TRAF3: variants seen among roughly 807,000 people sequenced by gnomAD.
TRAF3 encodes the protein TNF receptor associated factor 3.
TRAF3 carries 13 observed loss-of-function variants against 62.3 expected under a neutral mutation model. The observed-to-expected ratio is 0.21, with a 90% CI of 0.14 to 0.33. The LOEUF (loss-of-function observed/expected upper bound fraction) is 0.33, where lower values mean the gene tolerates loss of function less well. Ranked by LOEUF, TRAF3 falls within the 10% of genes least tolerant of loss-of-function variation. TRAF3 has a pLI of 1.00. For synonymous variants in TRAF3, 269 were observed against 283.4 expected (o/e 0.95, Z 0.51); for missense variants, 440 against 741.8 (o/e 0.59, Z 4.73).
At chr14:102,807,354 G>C (rs903155831) in intron 1 of TRAF3, among the ~76,000 whole-genome samples, 10 of 152,156 alleles carry the variant, frequency 6.6e-5, no homozygotes, top group Non-Finnish European at 1.5e-5. Flanking sequence ...TTCTCCAGGG[G>C]CCTGGGGCCT....
chr14:102,869,800 C>T (rs1002447342), intron 2 of TRAF3, among the ~76,000 whole-genome samples: 16 of 146,106 alleles, frequency 1.1e-4, no homozygotes, highest in Middle Eastern at 3.4e-3. Context: ...AGCGAGACTC[C>T]GTCTAAAAAA....
intron 2 of TRAF3, among the ~76,000 whole-genome samples, chr14:102,858,953 C>A (rs1887535023): frequency 6.6e-6 from 1 of 152,098 alleles, no homozygotes; most frequent in Non-Finnish European, 1.5e-5. Context: ...TTCTTATAAA[C>A]CTTTTATAAC....
intron 6 of TRAF3, among the ~76,000 whole-genome samples, chr14:102,877,694 T>C (rs1478389173): frequency 1.3e-5 from 2 of 150,280 alleles, no homozygotes; most frequent in African/African-American, 2.5e-5. Flanking sequence ...TCCACAGGCC[T>C]TCTGCTCAGC....
intron 1 of TRAF3, among the ~76,000 whole-genome samples, chr14:102,806,051 G>A (rs927501532): frequency 6.6e-6 from 1 of 151,826 alleles, no homozygotes; most frequent in Non-Finnish European, 1.5e-5. Context: ...ACCCTAGGGG[G>A]CATTTTGCAG....
At chr14:102,798,503 G>A (rs1232594455) in intron 1 of TRAF3, among the ~76,000 whole-genome samples, 2 of 152,190 alleles carry the variant, frequency 1.3e-5, no homozygotes, top group East Asian at 3.9e-4. Context: ...AGCCAGGTGT[G>A]GTGGCGTGTG....
In TRAF3 at chr14:102,905,988, G is replaced by T. The variant is rs1890568994; in HGVS notation, c.*204G>T. ...TAGACTAGCCACACTTCACTCTGAA[G>T]AATTATTTATCCTTCAACAAGATAA... On this transcript the variant is annotated 3_prime_UTR_variant, in exon 12 of 12. Coordinates refer to ENST00000392745, the MANE Select transcript of TRAF3 (RefSeq NM_145725.3). 1 of 495,470 alleles carries T rather than the reference G, an allele frequency of 2.0e-6. No individual in the cohort carries two copies. The highest frequency in any genetic ancestry group is 3.0e-5 in the East Asian group (1 of 32,868). The allele number at this position is 495,470 out of a possible 1,614,324, so 30.7% of individuals were successfully genotyped here.
At chr14:102,843,363 A>T (rs2139688606) in intron 2 of TRAF3, among the ~76,000 whole-genome samples, 1 of 152,038 alleles carries the variant, frequency 6.6e-6, no homozygotes, top group South Asian at 2.1e-4. Context: ...TGGAGACAGG[A>T]TCTCACTCTA....
intron 1 of TRAF3, among the ~76,000 whole-genome samples, chr14:102,779,535 G>T (rs551006232): frequency 6.6e-6 from 1 of 152,142 alleles, no homozygotes; most frequent in Non-Finnish European, 1.5e-5. Context: ...CTGAGCCTGC[G>T]TTGCGGATTC....
At chr14:102,873,436 C>T (rs958365080) in intron 4 of TRAF3, among the ~76,000 whole-genome samples, 2 of 152,206 alleles carry the variant, frequency 1.3e-5, no homozygotes, top group African/African-American at 2.4e-5. Flanking sequence ...GAGAGAAGCT[C>T]GCGACGATGG....
In TRAF3 at chr14:102,863,411, C is replaced by T. The variant is rs149643566; in HGVS notation, c.-17-6774C>T. ...GCTTGTGATTAGACAGAGATTTAAG[C>T]GCCTAGAACAAAAAATGTCTCCCAG... On this transcript the variant is annotated intron_variant, in intron 2 of 11. Coordinates refer to ENST00000392745, the MANE Select transcript of TRAF3 (RefSeq NM_145725.3). Among the ~76,000 whole-genome samples the T allele has an allele frequency of 5.1e-3, 782 of 152,278 alleles. 26 individuals carry two copies. Among genetic ancestry groups the T allele is most frequent in the Admixed American group, 0.047 (720 of 15,288 alleles).
intron 10 of TRAF3, among the ~76,000 whole-genome samples, chr14:102,902,623 C>G (rs1890360638): frequency 6.6e-6 from 1 of 152,216 alleles, no homozygotes; most frequent in African/African-American, 2.4e-5. Flanking sequence ...CAGGGACCCT[C>G]TGTATTATGG....
At chr14:102,836,397 A>G (rs965707104) in intron 2 of TRAF3, among the ~76,000 whole-genome samples, 11 of 152,234 alleles carry the variant, frequency 7.2e-5, no homozygotes, top group Non-Finnish European at 1.5e-4. Context: ...TATGTTCAAG[A>G]TATTGATTAA....
At chr14:102,865,980 T>C (rs1887966075) in intron 2 of TRAF3, 1 of 152,144 alleles carries the variant, frequency 6.6e-6, no homozygotes, top group Admixed American at 6.5e-5. Flanking sequence ...CATGCACACA[T>C]ATGTTTATTG....
chr14:102,805,577 C>T (rs779088448), intron 1 of TRAF3, among the ~76,000 whole-genome samples: 1 of 152,170 alleles, frequency 6.6e-6, no homozygotes, highest in Admixed American at 6.5e-5. Flanking sequence ...GTTGGGTTCT[C>T]CTCCCTGCTG....
chr14:102,830,934 A>G (rs1384023127), intron 2 of TRAF3, among the ~76,000 whole-genome samples: 1 of 152,250 alleles, frequency 6.6e-6, no homozygotes, highest in African/African-American at 2.4e-5. Context: ...AACTTATTAC[A>G]AGTAATAAGA....
Position 102,811,550 on chromosome 14 carries a change from GTT to G in TRAF3, c.-156-18761_-156-18760del, listed in dbSNP as rs35064640. The stretch of plus-strand genomic sequence containing the variant: ...CAAGGAGCTGTTTGCGCTGTAGGCG[GTT>G]TTTTTTTTTTTTTTTTTTTTTTGGT... On this transcript the variant is annotated intron_variant, in intron 1 of 11. Coordinates refer to ENST00000392745, the MANE Select transcript of TRAF3 (RefSeq NM_145725.3). Among the ~76,000 whole-genome samples the G allele has an allele frequency of 8.9e-3, 710 of 79,536 alleles. 3 individuals are homozygous for G. Among genetic ancestry groups the G allele is most frequent in the African/African-American group, 0.026 (547 of 21,366 alleles). The allele number at this position is 79,536 out of a possible 152,430, so 52.2% of individuals were successfully genotyped here.
Position 102,890,493 on chromosome 14 carries a change from A to T in TRAF3, c.727-832A>T, listed in dbSNP as rs545850309. 2.0e-5 allele frequency among the ~76,000 whole-genome samples: 3 copies of T among 152,180 alleles called. No homozygotes were observed. In the South Asian group the frequency reaches 6.2e-4, roughly 32 times the overall value. ...GACTGAGCCTCCCCTGTTCTGTCGTACGTAGTATCATTCATTCTCTCTGTG... is the reference window on the plus strand; with the variant it reads ...GACTGAGCCTCCCCTGTTCTGTCGTTCGTAGTATCATTCATTCTCTCTGTG... On this transcript the variant is annotated intron_variant, in intron 8 of 11. Coordinates refer to ENST00000392745, the MANE Select transcript of TRAF3 (RefSeq NM_145725.3).
At chr14:102,885,851 G>A (rs1256254888) in intron 6 of TRAF3, among the ~76,000 whole-genome samples, 3 of 152,166 alleles carry the variant, frequency 2.0e-5, no homozygotes, top group African/African-American at 4.8e-5. Flanking sequence ...GCCTGCCTGA[G>A]CATTGCACGA....
chr14:102,868,975 T>C (rs949434073), intron 2 of TRAF3, among the ~76,000 whole-genome samples: 20 of 152,192 alleles, frequency 1.3e-4, no homozygotes, highest in Non-Finnish European at 4.4e-5. Flanking sequence ...TCTTAAAGAG[T>C]ACCTTGTTAG....
Sources: allele counts gnomAD v4.1 joint callset (sites outside exome capture counted in the v4.1 genomes callset), GRCh38; gene constraint gnomAD v4.1.1; transcripts MANE v1.5; gene names NCBI Gene and HGNC (gene_info 2026-07-23, HGNC 2026-07-21).